Variants in PHKB observed in about 807,000 individuals in gnomAD.
The protein encoded by PHKB is phosphorylase b kinase regulatory subunit beta.
Under a neutral mutation model 152.1 loss-of-function variants are expected in PHKB, and 122 were observed. That is an observed-to-expected ratio of 0.80 (90% CI 0.69 to 0.93). The LOEUF (loss-of-function observed/expected upper bound fraction) is 0.93. PHKB is among the 40% of genes least tolerant of loss of function. PHKB has a pLI of 0.00. For missense variants in PHKB, 1,304 were observed against 1,328.4 expected (o/e 0.98, Z 0.29); for synonymous variants, 436 against 464.9 (o/e 0.94, Z 0.80).
chr16:47,504,906 AGG>A (rs1567282913), intron 4 of PHKB, among the ~76,000 whole-genome samples: 1 of 152,222 alleles, frequency 6.6e-6, no homozygotes. Context: ...GTGGAGCACC[AGG>A]GCACGTGTTA....
intron 2 of PHKB, 30 bp from the exon 3 acceptor site, chr16:47,499,720 TGTACAG>T: frequency 6.2e-7 from 1 of 1,613,556 alleles, no homozygotes. Context: ...AGTCGCTGAC[TGTACAG>T]TTCATTCTTT....
intron 5 of PHKB, among the ~76,000 whole-genome samples, chr16:47,514,557 T>C (rs536454826): frequency 1.2e-4 from 19 of 152,318 alleles, no homozygotes; most frequent in African/African-American, 4.3e-4. Context: ...CCCCAGTCAA[T>C]TGGGTGGCAC....
intron 14 of PHKB, among the ~76,000 whole-genome samples, chr16:47,619,888 C>G (rs986951926): frequency 1.3e-5 from 2 of 152,058 alleles, no homozygotes; most frequent in South Asian, 4.1e-4. Context: ...TAAGGTGACC[C>G]TTAGAGAACA....
intron 6 of PHKB, among the ~76,000 whole-genome samples, chr16:47,517,041 C>T (rs1970609470): frequency 6.6e-6 from 1 of 152,050 alleles, no homozygotes; most frequent in South Asian, 2.1e-4. Flanking sequence ...TCTTAAAGAG[C>T]ATGCCAATAT....
intron 11 of PHKB, among the ~76,000 whole-genome samples, chr16:47,593,775 G>A (rs940253834): frequency 6.6e-6 from 1 of 151,878 alleles, no homozygotes; most frequent in African/African-American, 2.4e-5. Flanking sequence ...AAAACACTTG[G>A]AAGCATTTAA....
chr16:47,516,048 C>T lies in PHKB; in HGVS notation c.594+447C>T, dbSNP rs147182215. Among the ~76,000 whole-genome samples, 6 of 152,100 alleles carry T rather than the reference C, an allele frequency of 3.9e-5. No homozygotes were observed. The East Asian group carries it at 1.2e-3, about 29-fold the overall frequency. On this transcript the variant is annotated intron_variant, in intron 6 of 30. Coordinates refer to ENST00000323584, the MANE Select transcript of PHKB (RefSeq NM_000293.3). ...GTTCAAGCGATTCCCCTGCCTCAGC[C>T]TCCAAAGTATCTGGGATTATAGGCA...
At chr16:47,609,737 T>C (rs1033025760) in intron 13 of PHKB, among the ~76,000 whole-genome samples, 2 of 152,298 alleles carry the variant, frequency 1.3e-5, no homozygotes, top group African/African-American at 2.4e-5. Flanking sequence ...TATTCTCTTA[T>C]AATCCTTTAG....
rs766379132 is a variant in PHKB, at chr16:47,610,902, C to T, written c.1440C>T (p.Ser480=). The stretch of plus-strand genomic sequence containing the variant: ...CACTAAAGGATCAACGTAACGTGAG[C>T]ATGAGGTTTTCCAATCAGGTAAAGA... ...YVPLKDQRNV[S]MRFSNQGPLE... Residue 480 remains serine, a synonymous_variant, in exon 14 of 31, where the codon AGC becomes AGT. Coordinates refer to ENST00000323584, the MANE Select transcript of PHKB (RefSeq NM_000293.3). The T allele has an allele frequency of 1.9e-6, 3 of 1,586,952 alleles. No homozygotes were observed. The highest frequency in any genetic ancestry group is 2.6e-6 in the Non-Finnish European group (3 of 1,155,188).
chr16:47,468,213 A>T (rs886742549), intron 1 of PHKB, among the ~76,000 whole-genome samples: 1 of 152,194 alleles, frequency 6.6e-6, no homozygotes, highest in Non-Finnish European at 1.5e-5. Context: ...TCTGGTCCAC[A>T]CTACAGAAAT....
intron 1 of PHKB, among the ~76,000 whole-genome samples, chr16:47,468,848 G>A (rs1257543062): frequency 6.6e-6 from 1 of 151,928 alleles, no homozygotes; most frequent in African/African-American, 2.4e-5. Context: ...TAGCTTTTTA[G>A]GCTCTCTCTA....
At chr16:47,463,339 G>A (rs899534389) in intron 1 of PHKB, 10 of 153,646 alleles carry the variant, frequency 6.5e-5, no homozygotes, top group African/African-American at 2.2e-4. Flanking sequence ...AATGTTGAAT[G>A]TTCCTGTATG....
chr16:47,639,876 T>C (rs1182951109), intron 14 of PHKB, among the ~76,000 whole-genome samples: 1 of 152,238 alleles, frequency 6.6e-6, no homozygotes, highest in Non-Finnish European at 1.5e-5. Flanking sequence ...AATTTTTTCA[T>C]TTGTTAGAAA....
At chr16:47,546,446 C>G (rs1180100004) in intron 6 of PHKB, among the ~76,000 whole-genome samples, 1 of 152,112 alleles carries the variant, frequency 6.6e-6, no homozygotes, top group African/African-American at 2.4e-5. Flanking sequence ...TGCAGAACAA[C>G]AAATACTGCT....
At chr16:47,562,879 A>G (rs750061750) in intron 7 of PHKB, among the ~76,000 whole-genome samples, 9 of 152,214 alleles carry the variant, frequency 5.9e-5, no homozygotes, top group Non-Finnish European at 1.2e-4. Flanking sequence ...CCACTGCTTT[A>G]TCAGCTAAGT....
At chr16:47,495,793 G>A (rs1439917813) in intron 1 of PHKB, among the ~76,000 whole-genome samples, 5 of 152,094 alleles carry the variant, frequency 3.3e-5, no homozygotes, top group African/African-American at 1.2e-4. Context: ...CTTTGAAGCA[G>A]GAAAGGAGTA....
chr16:47,672,048 G>A (rs1024628339), intron 26 of PHKB, among the ~76,000 whole-genome samples: 5 of 152,004 alleles, frequency 3.3e-5, no homozygotes, highest in African/African-American at 1.2e-4. Context: ...CTTTCTCTAG[G>A]AGATTTCTAC....
At chr16:47,545,874 G>T (rs1403181458) in intron 6 of PHKB, among the ~76,000 whole-genome samples, 35 of 152,076 alleles carry the variant, frequency 2.3e-4, no homozygotes, top group Non-Finnish European at 7.4e-5. Context: ...TCTTCCACTT[G>T]ATCGAATTGG....
chr16:47,536,233 T>G (rs1034440300), intron 6 of PHKB, among the ~76,000 whole-genome samples: 4 of 152,170 alleles, frequency 2.6e-5, no homozygotes, highest in African/African-American at 9.7e-5. Context: ...GTATTTTTAG[T>G]AGAGACAGAG....
intron 6 of PHKB, among the ~76,000 whole-genome samples, chr16:47,532,674 G>A (rs1410772113): frequency 1.3e-5 from 2 of 152,236 alleles, no homozygotes; most frequent in Non-Finnish European, 2.9e-5. Flanking sequence ...GCTGGCACTG[G>A]GGAATGCAGT....
Sources: allele counts gnomAD v4.1 joint callset (sites outside exome capture counted in the v4.1 genomes callset), GRCh38; gene constraint gnomAD v4.1.1; transcripts MANE v1.5; gene names NCBI Gene and HGNC (gene_info 2026-07-23, HGNC 2026-07-21).